The following GPATCH2 variants were observed in gnomAD, a reference collection of about 807,000 sequenced individuals.
GPATCH2 encodes the protein G patch domain-containing protein 2.
GPATCH2 carries 51 observed loss-of-function variants against 58.0 expected under a neutral mutation model. The observed-to-expected ratio is 0.88, with a 90% CI of 0.70 to 1.11. The LOEUF (loss-of-function observed/expected upper bound fraction) is 1.11, where lower values mean the gene tolerates loss of function less well. Ranked by LOEUF, GPATCH2 falls within the 50% of genes most tolerant of loss-of-function variation. GPATCH2 has a pLI of 0.00. For missense variants in GPATCH2, 625 were observed against 652.2 expected (o/e 0.96, Z 0.45); for synonymous variants, 222 against 218.5 (o/e 1.02, Z -0.14).
chr1:217,576,801 CTA>C (rs1278022152), intron 5 of GPATCH2, among the ~76,000 whole-genome samples: 1 of 152,150 alleles, frequency 6.6e-6, no homozygotes, highest in East Asian at 1.9e-4. Context: ...GAAAACAAAT[CTA>C]TATCTTCTAC....
intron 5 of GPATCH2, among the ~76,000 whole-genome samples, chr1:217,551,285 C>G (rs552293047): frequency 6.7e-4 from 102 of 152,204 alleles, no homozygotes; most frequent in African/African-American, 2.4e-3. Context: ...GGCAAGGTAT[C>G]ATCAATTCGT....
At chr1:217,609,367 G>A in intron 5 of GPATCH2, 1 of 984,004 alleles carries the variant, frequency 1.0e-6, no homozygotes, top group Non-Finnish European at 1.2e-6. Context: ...GCTTTCACAT[G>A]TTTCATTAAG....
chr1:217,527,339 G>T (rs1055257986), intron 5 of GPATCH2, among the ~76,000 whole-genome samples: 2 of 152,150 alleles, frequency 1.3e-5, no homozygotes, highest in African/African-American at 4.8e-5. Context: ...CCTGTGAGGT[G>T]AGTTCTGGAC....
chr1:217,516,755 A>C (rs187502610), intron 5 of GPATCH2, among the ~76,000 whole-genome samples: 1 of 152,334 alleles, frequency 6.6e-6, no homozygotes, highest in East Asian at 1.9e-4. Context: ...TTGTTTACTG[A>C]CTTTATCTTG....
chr1:217,548,427 T>G (rs1308805654), intron 5 of GPATCH2, among the ~76,000 whole-genome samples: 1 of 152,234 alleles, frequency 6.6e-6, no homozygotes, highest in African/African-American at 2.4e-5. Flanking sequence ...GTAATCTTTT[T>G]GATTACATGT....
chr1:217,519,103 A>G (rs1663323851), intron 5 of GPATCH2, among the ~76,000 whole-genome samples: 1 of 152,272 alleles, frequency 6.6e-6, no homozygotes, highest in Non-Finnish European at 1.5e-5. Context: ...TAATTAATAG[A>G]CATTAAAATA....
rs894452069 is a variant in GPATCH2, at chr1:217,490,510, A to G, written c.1277+1170T>C. Among the ~76,000 whole-genome samples, 55 of 152,056 alleles carry G rather than the reference A, an allele frequency of 3.6e-4. No homozygotes were observed. In the Middle Eastern group the frequency reaches 0.01, roughly 28 times the overall value. ...AGGACTATGATTGATTGTATCACAG[A>G]TCTTCTTTGTCTCTTAAGTACTCCT... On this transcript the variant is annotated intron_variant, in intron 8 of 9. Coordinates refer to ENST00000366935, the MANE Select transcript of GPATCH2 (RefSeq NM_018040.5).
chr1:217,584,859 T>C (rs776200185), intron 5 of GPATCH2, among the ~76,000 whole-genome samples: 4 of 152,148 alleles, frequency 2.6e-5, no homozygotes, highest in Non-Finnish European at 2.9e-5. Context: ...AGTTATATGG[T>C]AGACAATAAC....
At chr1:217,501,057 C>T (rs977274244) in intron 6 of GPATCH2, among the ~76,000 whole-genome samples, 32 of 152,058 alleles carry the variant, frequency 2.1e-4, no homozygotes, top group African/African-American at 7.7e-4. Flanking sequence ...TACAACGATC[C>T]TTCATGTTGT....
chr1:217,484,745 T>C (rs1661381934), intron 8 of GPATCH2, among the ~76,000 whole-genome samples: 1 of 150,486 alleles, frequency 6.6e-6, no homozygotes, highest in Non-Finnish European at 1.5e-5. Context: ...TGTATATAAA[T>C]ACATAGGAGG....
intron 8 of GPATCH2, among the ~76,000 whole-genome samples, chr1:217,459,270 T>C (rs1660092893): frequency 6.6e-6 from 1 of 152,178 alleles, no homozygotes; most frequent in African/African-American, 2.4e-5. Flanking sequence ...TAACCTAATG[T>C]AGGAAATGAA....
intron 9 of GPATCH2, among the ~76,000 whole-genome samples, chr1:217,443,603 C>T (rs892447406): frequency 6.6e-6 from 1 of 152,052 alleles, no homozygotes; most frequent in Admixed American, 6.6e-5. Context: ...CTGAATATTG[C>T]ACCATCTTAT....
intron 5 of GPATCH2, among the ~76,000 whole-genome samples, chr1:217,588,790 C>G (rs1234991307): frequency 2.0e-5 from 3 of 152,084 alleles, no homozygotes; most frequent in Admixed American, 2.0e-4. Flanking sequence ...CAGCTGACAT[C>G]AGTAAGAAAA....
chr1:217,536,167 T>C (rs766961203), intron 5 of GPATCH2, among the ~76,000 whole-genome samples: 2 of 152,164 alleles, frequency 1.3e-5, no homozygotes, highest in Non-Finnish European at 2.9e-5. Context: ...AACAGGATAG[T>C]ATGGAAGAAA....
chr1:217,525,473 A>G (rs1008824122), intron 5 of GPATCH2, among the ~76,000 whole-genome samples: 13 of 152,230 alleles, frequency 8.5e-5, no homozygotes, highest in Admixed American at 8.5e-4. Flanking sequence ...CAATGAATAA[A>G]CATTCTATTT....
chr1:217,609,430 T>C, intron 5 of GPATCH2: 2 of 984,676 alleles, frequency 2.0e-6, no homozygotes, highest in Non-Finnish European at 2.4e-6. Flanking sequence ...ACAAAGCAGA[T>C]AATTTAAAAG....
intron 5 of GPATCH2, among the ~76,000 whole-genome samples, chr1:217,592,846 C>T (rs1013140977): frequency 6.6e-6 from 1 of 151,922 alleles, no homozygotes; most frequent in African/African-American, 2.4e-5. Context: ...CCATTCTGAT[C>T]AATATCTGAA....
chr1:217,624,358 A>C (rs1669346363), intron 1 of GPATCH2, among the ~76,000 whole-genome samples: 2 of 152,202 alleles, frequency 1.3e-5, no homozygotes, highest in African/African-American at 4.8e-5. Flanking sequence ...TCTCTACTAA[A>C]TATACAAAAA....
chr1:217,546,799 T>A (rs1005052948), intron 5 of GPATCH2, among the ~76,000 whole-genome samples: 1 of 151,496 alleles, frequency 6.6e-6, no homozygotes, highest in African/African-American at 2.4e-5. Context: ...ATCAACAGAG[T>A]AGACAACCTA....
Sources: gnomAD v4.1 joint callset for allele counts (sites outside exome capture counted in the v4.1 genomes callset) on GRCh38, gnomAD v4.1.1 for gene constraint, MANE v1.5 for transcripts, NCBI Gene and HGNC (gene_info 2026-07-23, HGNC 2026-07-21) for gene names.